Variants in SPATA1 observed in about 807,000 individuals in gnomAD.
SPATA1 encodes the protein spermatogenesis associated 1.
SPATA1 carries 57 observed loss-of-function variants against 59.6 expected under a neutral mutation model. That is an observed-to-expected ratio of 0.96 (90% CI 0.77 to 1.19). The LOEUF is 1.19. Ranked by LOEUF, SPATA1 falls within the 50% of genes most tolerant of loss-of-function variation. The pLI is 0.00. For synonymous variants in SPATA1, 147 were observed against 163.9 expected, an observed-to-expected ratio of 0.90 and a Z score of 0.79; for missense variants, 448 against 480.7, an observed-to-expected ratio of 0.93 and a Z score of 0.64.
intron 1 of SPATA1, among the ~76,000 whole-genome samples, chr1:84,513,263 G>A (rs1682651933): frequency 6.6e-6 from 1 of 152,246 alleles, no homozygotes; most frequent in Non-Finnish European, 1.5e-5. Context: ...AGTCTCCGGA[G>A]TAGCTGGGAT....
chr1:84,507,942 TTTTGTAGCGTGTGTTTAAAGATTCTA>T (rs1367929235), intron 1 of SPATA1, among the ~76,000 whole-genome samples: 2 of 152,152 alleles, frequency 1.3e-5, no homozygotes, highest in Non-Finnish European at 2.9e-5. Flanking sequence ...GGTGTTATTT[TTTTGTAGCGTGTGTTTAAAGATTCTA>T]TTTAGGATAC....
rs1449911993 is a variant in SPATA1 at position 84,516,365 on chromosome 1, A to G, written c.6A>G (p.Ser2=). ...CCATTCAGACATTAGTGAATATGTC[A>G]CTCAATCCAAGTCGACCTTCCTCAT... Residue 2 remains serine, a synonymous_variant, in exon 2 of 13, where the codon TCA becomes TCG. Transcript: ENST00000490879. 2.0e-6 allele frequency: 3 copies of G among 1,522,994 alleles called. No individual in the cohort carries two copies. The African/African-American group carries it at 4.3e-5, about 22-fold the overall frequency. The allele number at this position is 1,522,994 out of a possible 1,614,324, so 94.3% of individuals were successfully genotyped here.
intron 4 of SPATA1, among the ~76,000 whole-genome samples, chr1:84,561,706 C>T (rs1310662431): frequency 6.6e-6 from 1 of 152,148 alleles, no homozygotes; most frequent in Non-Finnish European, 1.5e-5. Flanking sequence ...CAACCACCAC[C>T]CTGATCAGTC....
intron 9 of SPATA1, among the ~76,000 whole-genome samples, chr1:84,544,745 G>A (rs1684028667): frequency 6.6e-6 from 1 of 151,422 alleles, no homozygotes; most frequent in South Asian, 2.1e-4. Flanking sequence ...ATTTTTAGTA[G>A]AGACGGGATT....
At chr1:84,517,131 G>T (rs1313385855) in intron 2 of SPATA1, among the ~76,000 whole-genome samples, 1 of 152,024 alleles carries the variant, frequency 6.6e-6, no homozygotes, top group African/African-American at 2.4e-5. Context: ...TGATCTATGT[G>T]TGCACAACAG....
chr1:84,515,648 G>A (rs543395337), intron 1 of SPATA1, among the ~76,000 whole-genome samples: 3 of 151,888 alleles, frequency 2.0e-5, no homozygotes, highest in South Asian at 2.1e-4. Context: ...ATTTTTAATT[G>A]TATCATACAT....
chr1:84,521,997 A>C (rs894772021), intron 3 of SPATA1, among the ~76,000 whole-genome samples: 2 of 152,224 alleles, frequency 1.3e-5, no homozygotes, highest in African/African-American at 4.8e-5. Flanking sequence ...ATTTTTAAGC[A>C]CTAGCTACTC....
intron 11 of SPATA1, among the ~76,000 whole-genome samples, 196 bp downstream of exon 11, chr1:84,549,160 A>G (rs1462661952): frequency 6.6e-6 from 1 of 152,098 alleles, no homozygotes; most frequent in Non-Finnish European, 1.5e-5. Flanking sequence ...TGTTGCCTTT[A>G]AGGGGTCTGA....
chr1:84,555,490 A>G (rs1446579005), downstream of SPATA1, among the ~76,000 whole-genome samples: 2 of 152,224 alleles, frequency 1.3e-5, no homozygotes, highest in Non-Finnish European at 2.9e-5. Flanking sequence ...TTTTCAACTT[A>G]TCATATGTTT....
intron 8 of SPATA1, among the ~76,000 whole-genome samples, chr1:84,539,708 T>C (rs1683838211): frequency 6.6e-6 from 1 of 152,244 alleles, no homozygotes; most frequent in Admixed American, 6.5e-5. Context: ...CTTTGATGTT[T>C]ATGTGTGTTG....
intron 9 of SPATA1, among the ~76,000 whole-genome samples, chr1:84,544,672 A>G (rs1370789762): frequency 2.0e-5 from 3 of 151,654 alleles, no homozygotes; most frequent in Admixed American, 2.0e-4. Flanking sequence ...GCGATTCTCC[A>G]GCCTCAGCCT....
chr1:84,547,885 T>A (rs1684140159), intron 10 of SPATA1, among the ~76,000 whole-genome samples: 1 of 152,128 alleles, frequency 6.6e-6, no homozygotes, highest in Non-Finnish European at 1.5e-5. Context: ...TTTTAAAAAA[T>A]ATTTTAGAAA....
chr1:84,519,860 A>G (rs867450694), intron 2 of SPATA1, among the ~76,000 whole-genome samples: 11 of 152,218 alleles, frequency 7.2e-5, no homozygotes, highest in Non-Finnish European at 1.2e-4. Flanking sequence ...ATTCATTTAA[A>G]TGCTTTGACT....
chr1:84,534,466 T>C (rs1180503032), intron 8 of SPATA1, among the ~76,000 whole-genome samples: 1 of 152,208 alleles, frequency 6.6e-6, no homozygotes, highest in African/African-American at 2.4e-5. Flanking sequence ...ATCATTCCCC[T>C]TTTACAGATG....
intron 2 of SPATA1, among the ~76,000 whole-genome samples, chr1:84,518,077 C>T (rs1054107229): frequency 1.3e-5 from 2 of 151,924 alleles, no homozygotes; most frequent in African/African-American, 2.4e-5. Context: ...TAAATGACAC[C>T]TTAGAGATAA....
intron 8 of SPATA1, among the ~76,000 whole-genome samples, chr1:84,535,342 C>T (rs183917808): frequency 1.2e-3 from 189 of 151,996 alleles, no homozygotes; most frequent in African/African-American, 4.2e-3. Flanking sequence ...TTTTCATATA[C>T]GTTTTAGAAT....
exon 13 of SPATA1, chr1:84,553,871 A>T (rs1450532551): frequency 6.6e-6 from 1 of 152,228 alleles, no homozygotes; most frequent in Non-Finnish European, 1.5e-5. Flanking sequence ...GGGCAGCACA[A>T]TGTTGTTCTT....
rs375673171 is a variant in SPATA1 at position 84,529,620 on chromosome 1, T to C, written c.545-3240T>C. ...TTTTTTGAGACGGAGTCTCGCTCTG[T>C]TGCCAGGCTGCAGTGCAGTGGTGCG... On this transcript the variant is annotated intron_variant, in intron 6 of 12. Coordinates refer to ENST00000490879, the Ensembl canonical transcript of SPATA1. Among the ~76,000 whole-genome samples, 615 of 141,610 alleles carry C rather than the reference T, an allele frequency of 4.3e-3. 1 individual carries two copies. Among genetic ancestry groups the C allele is most frequent in the Admixed American group, 7.3e-3 (99 of 13,578 alleles). The allele number at this position is 141,610 out of a possible 152,430, so 92.9% of individuals were successfully genotyped here. A position where few individuals can be genotyped will look rare whatever the true frequency, so the allele number is the denominator to read the frequency against.
intron 8 of SPATA1, among the ~76,000 whole-genome samples, chr1:84,539,747 T>A (rs1683839649): frequency 6.6e-6 from 1 of 152,206 alleles, no homozygotes; most frequent in Admixed American, 6.5e-5. Flanking sequence ...TTGTGGCTTG[T>A]CTGTGGTTTA....
Sources: gnomAD v4.1 joint callset for allele counts (sites outside exome capture counted in the v4.1 genomes callset) on GRCh38, gnomAD v4.1.1 for gene constraint, MANE v1.5 for transcripts, NCBI Gene and HGNC (gene_info 2026-07-23, HGNC 2026-07-21) for gene names.